Variants in PATJ observed in about 807,000 individuals in gnomAD.
PATJ encodes the protein PATJ crumbs cell polarity complex component, also known as inaD-like protein.
In PATJ, 190 loss-of-function variants were observed where a neutral mutation model predicts 224.9. That is an observed-to-expected ratio of 0.84 (90% CI 0.75 to 0.95). PATJ has a LOEUF of 0.95. Ranked by LOEUF, PATJ falls within the 40% of genes least tolerant of loss-of-function variation. The pLI is 0.00. For missense variants in PATJ, 2,121 were observed against 2,270.3 expected, an observed-to-expected ratio of 0.93 and a Z score of 1.34; for synonymous variants, 769 against 820.3, an observed-to-expected ratio of 0.94 and a Z score of 1.07.
At chr1:61,929,111 G>A (rs1453322555) in intron 27 of PATJ, among the ~76,000 whole-genome samples, 2 of 152,138 alleles carry the variant, frequency 1.3e-5, no homozygotes, top group South Asian at 4.1e-4. Flanking sequence ...AGCTACACAT[G>A]GTGTAAAAAG....
chr1:62,090,815 T>G (rs2148790921), intron 33 of PATJ, among the ~76,000 whole-genome samples: 1 of 152,268 alleles, frequency 6.6e-6, no homozygotes, highest in South Asian at 2.1e-4. Context: ...TCGTATTCCT[T>G]AAACTCCTCC....
intron 21 of PATJ, among the ~76,000 whole-genome samples, chr1:61,884,033 T>A (rs1668462806): frequency 6.6e-6 from 1 of 152,098 alleles, no homozygotes; most frequent in Admixed American, 6.6e-5. Flanking sequence ...TGTTGAACAA[T>A]TCCTATATTC....
chr1:61,843,770 A>C (rs1204413882), intron 17 of PATJ, among the ~76,000 whole-genome samples: 1 of 152,142 alleles, frequency 6.6e-6, no homozygotes, highest in Admixed American at 6.6e-5. Context: ...TTAACTCAAA[A>C]TAATCAGTGT....
At chr1:61,941,577 G>A (rs1019681485) in intron 27 of PATJ, among the ~76,000 whole-genome samples, 9 of 152,236 alleles carry the variant, frequency 5.9e-5, no homozygotes, top group South Asian at 2.1e-4. Context: ...CTTGAGCTGC[G>A]GAGGTGGAAG....
At chr1:62,115,653 G>T (rs1012139081) in intron 35 of PATJ, among the ~76,000 whole-genome samples, 1 of 147,890 alleles carries the variant, frequency 6.8e-6, no homozygotes, top group Admixed American at 6.9e-5. Context: ...AGGGCTATAG[G>T]ATTTCCAGGT....
intron 7 of PATJ, among the ~76,000 whole-genome samples, chr1:61,786,798 T>C (rs922091870): frequency 1.8e-4 from 28 of 152,028 alleles, no homozygotes; most frequent in Admixed American, 3.3e-4. Context: ...GAGATCAGCC[T>C]GACATGGTGA....
intron 13 of PATJ, among the ~76,000 whole-genome samples, chr1:61,806,966 A>G (rs9783015): frequency 0.034 from 5,186 of 152,066 alleles, 270 homozygotes; most frequent in African/African-American, 0.11. Flanking sequence ...AGCCTGGCCA[A>G]CATGGTGAAA....
At chr1:62,090,532 C>T (rs1405435053) in intron 33 of PATJ, among the ~76,000 whole-genome samples, 1 of 152,090 alleles carries the variant, frequency 6.6e-6, no homozygotes, top group Non-Finnish European at 1.5e-5. Flanking sequence ...GCCATGGCAT[C>T]CACTTTCTAG....
At chr1:62,119,084 A>G (rs956800620) in intron 37 of PATJ, among the ~76,000 whole-genome samples, 1 of 152,168 alleles carries the variant, frequency 6.6e-6, no homozygotes, top group African/African-American at 2.4e-5. Flanking sequence ...GGGACAAAGT[A>G]TCAAATACTT....
At chr1:62,150,789 G>A (rs1324237495) in intron 42 of PATJ, among the ~76,000 whole-genome samples, 2 of 151,176 alleles carry the variant, frequency 1.3e-5, no homozygotes, top group Non-Finnish European at 2.9e-5. Flanking sequence ...GCCAAGGCCT[G>A]GGCAACATGG....
chr1:61,934,097 C>T (rs1056713621), intron 27 of PATJ, among the ~76,000 whole-genome samples: 13 of 149,632 alleles, frequency 8.7e-5, no homozygotes, highest in African/African-American at 1.7e-4. Context: ...CACTGCGCCC[C>T]GCTAATTTTT....
chr1:62,004,654 T>A (rs912142811), intron 28 of PATJ, among the ~76,000 whole-genome samples: 4 of 152,236 alleles, frequency 2.6e-5, no homozygotes, highest in Non-Finnish European at 4.4e-5. Context: ...AACCATGCAG[T>A]TCTCTACTGG....
In PATJ at chr1:61,762,840, G is replaced by T. The variant is rs1646043005; in HGVS notation, c.-35-18G>T. 4 of 1,162,858 alleles carry T rather than the reference G, an allele frequency of 3.4e-6. No homozygotes were observed. The Admixed American group carries it at 9.3e-5, about 27-fold the overall frequency. The allele number at this position is 1,162,858 out of a possible 1,614,324, so 72.0% of individuals were successfully genotyped here. A position where few individuals can be genotyped will look rare whatever the true frequency, so the allele number is the denominator to read the frequency against. On this transcript the variant is annotated intron_variant, in intron 1 of 43. Coordinates refer to ENST00000642238, the MANE Select transcript of PATJ (RefSeq NM_001350145.3). ...ACAATTGAAATTCATCTTTTATATTGTTAAATTTTTTCTTTAGGTGTCTTT... is the reference window on the plus strand; with the variant it reads ...ACAATTGAAATTCATCTTTTATATTTTTAAATTTTTTCTTTAGGTGTCTTT...
At chr1:62,009,848 G>A (rs925183113) in intron 28 of PATJ, among the ~76,000 whole-genome samples, 12 of 152,044 alleles carry the variant, frequency 7.9e-5, no homozygotes, top group Non-Finnish European at 4.4e-5. Context: ...ACTTTGGGAG[G>A]CCGAGGTGGG....
At chr1:61,829,672 A>G (rs145656397) in intron 16 of PATJ, among the ~76,000 whole-genome samples, 7 of 152,352 alleles carry the variant, frequency 4.6e-5, no homozygotes, top group African/African-American at 1.2e-4. Flanking sequence ...TGAAATTTCT[A>G]TAAACACAGG....
Position 61,900,583 on chromosome 1 carries a change from CTTTT to C in PATJ, c.3204-698_3204-695del, listed in dbSNP as rs1670994865. ...TTGCCGAAATGACATATGTGGCTTTCTTTTCTTTTCTTTTCTTTTTTTTTGAGAC... is the reference window on the plus strand; with the variant it reads ...TTGCCGAAATGACATATGTGGCTTTCCTTTTCTTTTCTTTTTTTTTGAGAC... On this transcript the variant is annotated intron_variant, in intron 23 of 43. Transcript: ENST00000642238. Among the ~76,000 whole-genome samples, 6 of 14,078 alleles carry C rather than the reference CTTTT, an allele frequency of 4.3e-4. No individual in the cohort carries two copies. The South Asian group carries it at 5.5e-3, about 13-fold the overall frequency. 9.2% of individuals were successfully genotyped at this position (14,078 alleles called of 152,430 possible). A position where few individuals can be genotyped will look rare whatever the true frequency, so the allele number is the denominator to read the frequency against.
intron 1 of PATJ, among the ~76,000 whole-genome samples, chr1:61,755,733 A>G (rs959529260): frequency 1.3e-5 from 2 of 152,232 alleles, no homozygotes; most frequent in Admixed American, 6.5e-5. Flanking sequence ...TCTTTCAAGA[A>G]CTGATATTTT....
chr1:61,861,496 C>T, intron 18 of PATJ, 55 bp from the exon 19 acceptor site: 1 of 801,166 alleles, frequency 1.2e-6, no homozygotes, highest in East Asian at 2.7e-5. Context: ...CCTCCCCTTG[C>T]TCCCCACCCC....
chr1:62,119,281 C>A (rs1030409183), intron 37 of PATJ, among the ~76,000 whole-genome samples: 6 of 152,168 alleles, frequency 3.9e-5, no homozygotes, highest in Non-Finnish European at 8.8e-5. Flanking sequence ...GTCTTCCCAT[C>A]ATGATGAGTT....
Sources: allele counts gnomAD v4.1 joint callset (sites outside exome capture counted in the v4.1 genomes callset), GRCh38; gene constraint gnomAD v4.1.1; transcripts MANE v1.5; gene names NCBI Gene and HGNC (gene_info 2026-07-23, HGNC 2026-07-21).